Variants in PHACTR1 observed in about 807,000 individuals in gnomAD.
PHACTR1 encodes the protein phosphatase and actin regulator 1.
PHACTR1 carries 16 observed loss-of-function variants against 69.2 expected under a neutral mutation model. The observed-to-expected ratio is 0.23, with a 90% confidence interval of 0.16 to 0.35. The LOEUF is 0.35. Ranked by LOEUF, PHACTR1 falls within the 10% of genes least tolerant of loss-of-function variation. The pLI is 1.00. For missense variants in PHACTR1, 510 were observed against 734.7 expected (o/e 0.69, Z 3.54); for synonymous variants, 312 against 284.5 (o/e 1.10, Z -0.97).
chr6:12,954,900 C>T (rs928065697), intron 4 of PHACTR1, among the ~76,000 whole-genome samples: 1 of 152,188 alleles, frequency 6.6e-6, no homozygotes, highest in African/African-American at 2.4e-5. Context: ...TAATCCAGGG[C>T]TTGGCCATCT....
intron 4 of PHACTR1, among the ~76,000 whole-genome samples, chr6:13,017,972 T>C (rs1800424266): frequency 6.6e-6 from 1 of 152,230 alleles, no homozygotes; most frequent in African/African-American, 2.4e-5. Flanking sequence ...ATATGATTCC[T>C]ATTTTTTAAA....
At chr6:13,183,965 G>A (rs763448217) in intron 7 of PHACTR1, among the ~76,000 whole-genome samples, 9 of 152,184 alleles carry the variant, frequency 5.9e-5, no homozygotes, top group East Asian at 3.9e-4. Flanking sequence ...AGGAAGAGGC[G>A]CGTCCAATGC....
At position 13,283,287 on chromosome 6, in the gene PHACTR1, T is replaced by G; in HGVS notation, c.1510-135T>G. On this transcript the variant is annotated intron_variant, in intron 12 of 14. Transcript: ENST00000332995. The surrounding 1 kb of genome is among the most constrained non-coding windows in gnomAD (Gnocchi z 4.7). ...CCCACCCTGGCCCTCCCCCTGCCCC[T>G]GCCCCTCACTCACTATGCGATGCAT... 1.4e-5 allele frequency: 5 copies of G among 352,438 alleles called. No individual in the cohort carries two copies. Among genetic ancestry groups the G allele is most frequent in the Non-Finnish European group, 2.7e-5 (5 of 184,724 alleles). The allele number at this position is 352,438 out of a possible 1,614,324, so 21.8% of individuals were successfully genotyped here.
At chr6:13,191,591 G>A (rs1763609797) in intron 7 of PHACTR1, among the ~76,000 whole-genome samples, 1 of 152,184 alleles carries the variant, frequency 6.6e-6, no homozygotes, top group African/African-American at 2.4e-5. Context: ...CTGGCCATGG[G>A]ATGATTAAGG....
chr6:13,211,360 TA>T (rs1766817673), intron 8 of PHACTR1, among the ~76,000 whole-genome samples: 1 of 152,130 alleles, frequency 6.6e-6, no homozygotes, highest in South Asian at 2.1e-4. Context: ...TTTTTATTTT[TA>T]ATATCTGCAG....
chr6:12,800,340 C>G (rs1475984493), intron 4 of PHACTR1, among the ~76,000 whole-genome samples: 1 of 152,150 alleles, frequency 6.6e-6, no homozygotes, highest in Non-Finnish European at 1.5e-5. Flanking sequence ...AAGGCTACAA[C>G]CCAAGAAGAT....
chr6:13,094,483 G>C (rs1489743842), intron 5 of PHACTR1, among the ~76,000 whole-genome samples: 1 of 143,316 alleles, frequency 7.0e-6, no homozygotes, highest in Non-Finnish European at 1.5e-5. Flanking sequence ...TTAGTAGAGA[G>C]GGGGGGTTTC....
intron 10 of PHACTR1, among the ~76,000 whole-genome samples, chr6:13,261,224 G>C (rs1223247385): frequency 6.6e-6 from 1 of 152,212 alleles, no homozygotes; most frequent in Non-Finnish European, 1.5e-5. Context: ...AGAGGGGTGA[G>C]CTGGAGGAAG....
At position 13,014,588 on chromosome 6, in the gene PHACTR1, G is replaced by T. The variant is rs1799893428; in HGVS notation, c.251-38777G>T. Among the ~76,000 whole-genome samples the T allele has an allele frequency of 2.0e-5, 3 of 152,154 alleles. No homozygotes were observed. In the South Asian group the frequency reaches 6.2e-4, roughly 32 times the overall value. ...TCGGGTGGCATCAGTTTGGAGAGGCGGTTTGGCTGCGGCGCCCAGAGCCCT... is the reference window on the plus strand; with the variant it reads ...TCGGGTGGCATCAGTTTGGAGAGGCTGTTTGGCTGCGGCGCCCAGAGCCCT... On this transcript the variant is annotated intron_variant, in intron 4 of 14. Coordinates refer to ENST00000332995, the MANE Select transcript of PHACTR1 (RefSeq NM_030948.6).
At chr6:13,133,853 C>A (rs561608864) in intron 5 of PHACTR1, among the ~76,000 whole-genome samples, 1 of 149,570 alleles carries the variant, frequency 6.7e-6, no homozygotes, top group African/African-American at 2.5e-5. Context: ...AAGTGAGGAG[C>A]GCCTCTTCCC....
chr6:13,158,145 G>C (rs1306333795), intron 5 of PHACTR1, among the ~76,000 whole-genome samples: 1 of 152,126 alleles, frequency 6.6e-6, no homozygotes. Context: ...GCCTCCCAAA[G>C]TGCTGGGATT....
At chr6:12,867,561 A>G (rs538892675) in intron 4 of PHACTR1, among the ~76,000 whole-genome samples, 7 of 152,192 alleles carry the variant, frequency 4.6e-5, no homozygotes, top group Non-Finnish European at 8.8e-5. Context: ...AATTAATTCA[A>G]TGTTTGACAA....
At chr6:12,743,921 G>A (rs906564210) in intron 3 of PHACTR1, among the ~76,000 whole-genome samples, 1 of 152,080 alleles carries the variant, frequency 6.6e-6, no homozygotes, top group Non-Finnish European at 1.5e-5. Flanking sequence ...GCACTCCTCA[G>A]CAAATGTAAA....
chr6:13,152,592 T>TACAG (rs1194489087), intron 5 of PHACTR1, among the ~76,000 whole-genome samples: 1 of 152,204 alleles, frequency 6.6e-6, no homozygotes, highest in Non-Finnish European at 1.5e-5. Flanking sequence ...CTGGCTCACA[T>TACAG]ACAGACAGAT....
In PHACTR1 at chr6:12,750,337, C is replaced by T. The variant is rs559659639; in HGVS notation, c.250+547C>T. ...TCATAATAGCATGGTCTGGAGAATG[C>T]ACGTTAGGTGACTTGATGCTGTCCC... On this transcript the variant is annotated intron_variant, in intron 4 of 14. Coordinates refer to ENST00000332995, the MANE Select transcript of PHACTR1 (RefSeq NM_030948.6). Among the ~76,000 whole-genome samples the T allele has an allele frequency of 2.6e-5, 4 of 152,210 alleles. No individual in the cohort carries two copies. In the East Asian group the frequency reaches 7.8e-4, roughly 30 times the overall value.
chr6:12,810,944 G>A (rs1409215711), intron 4 of PHACTR1, among the ~76,000 whole-genome samples: 1 of 152,224 alleles, frequency 6.6e-6, no homozygotes, highest in Non-Finnish European at 1.5e-5. Flanking sequence ...CACTTGGGGA[G>A]CAGTCCGTTT....
intron 4 of PHACTR1, among the ~76,000 whole-genome samples, chr6:13,009,063 C>T (rs933301741): frequency 6.6e-5 from 10 of 152,186 alleles, no homozygotes; most frequent in Non-Finnish European, 5.9e-5. Flanking sequence ...AGCAGTGTCA[C>T]TCCCATCTCC....
chr6:12,858,108 A>T (rs2127420188), intron 4 of PHACTR1, among the ~76,000 whole-genome samples: 1 of 152,310 alleles, frequency 6.6e-6, no homozygotes, highest in Admixed American at 6.5e-5. Context: ...AATAATGTAA[A>T]TTGCAGAAGT....
At chr6:12,793,900 T>G (rs768687825) in intron 4 of PHACTR1, among the ~76,000 whole-genome samples, 4 of 152,206 alleles carry the variant, frequency 2.6e-5, no homozygotes, top group African/African-American at 9.6e-5. Context: ...TGAATTCATG[T>G]GAACTAGAAA....
Sources: allele counts gnomAD v4.1 joint callset (sites outside exome capture counted in the v4.1 genomes callset), GRCh38; gene constraint gnomAD v4.1.1; non-coding constraint Gnocchi (gnomAD v3.1); transcripts MANE v1.5; gene names NCBI Gene and HGNC (gene_info 2026-07-23, HGNC 2026-07-21).